The following OTUD7A variants were observed in gnomAD, a reference collection of about 807,000 sequenced individuals.
OTUD7A encodes OTU domain-containing protein 7A.
Under a neutral mutation model 65.7 loss-of-function variants are expected in OTUD7A, and 12 were observed. That is an observed-to-expected ratio of 0.18 (90% CI 0.12 to 0.30). The LOEUF is 0.30. OTUD7A is among the 10% of genes least tolerant of loss of function. The pLI is 1.00. For missense variants in OTUD7A, 1,148 were observed against 1,304.8 expected (o/e 0.88, Z 1.85); for synonymous variants, 641 against 586.3 (o/e 1.09, Z -1.35).
rs927628003 is a variant in OTUD7A, at chr15:31,682,252, A to C, written c.-99-25175T>G. Among the ~76,000 whole-genome samples, 8 of 152,208 alleles carry C rather than the reference A, an allele frequency of 5.3e-5. No homozygotes were observed. In the South Asian group the frequency reaches 6.2e-4, roughly 12 times the overall value. ...GACAAAAGAGACCAAAATTGACCTA[A>C]ATAGAGAGATGTATTGTTTTTATGG... On this transcript the variant is annotated intron_variant, in intron 1 of 12. Coordinates refer to ENST00000307050, the MANE Select transcript of OTUD7A (RefSeq NM_001382637.1).
rs1178171527 is a variant in OTUD7A, at chr15:31,678,937, C to T, written c.-99-21860G>A. 3.3e-5 allele frequency among the ~76,000 whole-genome samples: 5 copies of T among 152,344 alleles called. No individual in the cohort carries two copies. In the South Asian group the frequency reaches 1.0e-3, roughly 32 times the overall value. On this transcript the variant is annotated intron_variant, in intron 1 of 12. Coordinates refer to ENST00000307050, the MANE Select transcript of OTUD7A (RefSeq NM_001382637.1). ...CTAGAAAAGTCGCAGACACTCAACA[C>T]AAGCCTGTGAAAGCAGCCAGGAGCG...
At chr15:31,654,005 G>C (rs1160496395) in intron 3 of OTUD7A, among the ~76,000 whole-genome samples, 1 of 99,228 alleles carries the variant, frequency 1.0e-5, no homozygotes, top group Non-Finnish European at 2.0e-5. Context: ...CTCAGGGTAA[G>C]GGAAGTAAAA....
At chr15:31,716,625 C>T (rs545827459) in intron 1 of OTUD7A, among the ~76,000 whole-genome samples, 127 of 142,454 alleles carry the variant, frequency 8.9e-4, no homozygotes, top group African/African-American at 3.1e-3. Flanking sequence ...CTCAAAGGCA[C>T]GCTGGAGGCA....
At chr15:31,845,515 G>T (rs1046209504) in intron 1 of OTUD7A, among the ~76,000 whole-genome samples, 1 of 152,204 alleles carries the variant, frequency 6.6e-6, no homozygotes, top group Non-Finnish European at 1.5e-5. Flanking sequence ...CCAACCACAC[G>T]ATGCACCCAG....
intron 8 of OTUD7A, 44 bp from the exon 9 acceptor site, chr15:31,503,862 G>A (rs1446963473): frequency 2.5e-6 from 4 of 1,610,880 alleles, no homozygotes; most frequent in Admixed American, 1.7e-5. Flanking sequence ...CTAAAACAGG[G>A]TGGAGGATGG....
At chr15:31,645,409 A>C (rs1349922946) in intron 3 of OTUD7A, among the ~76,000 whole-genome samples, 1 of 152,158 alleles carries the variant, frequency 6.6e-6, no homozygotes, top group East Asian at 1.9e-4. Flanking sequence ...AAACATTCGT[A>C]CATCACTTAT....
chr15:31,561,635 G>A (rs1329242038), intron 4 of OTUD7A, among the ~76,000 whole-genome samples: 2 of 152,084 alleles, frequency 1.3e-5, no homozygotes, highest in South Asian at 2.1e-4. Flanking sequence ...AATATTTGGA[G>A]TTTGAGGGAA....
chr15:31,776,940 T>C (rs1480914822), intron 1 of OTUD7A, among the ~76,000 whole-genome samples: 1 of 151,416 alleles, frequency 6.6e-6, no homozygotes, highest in East Asian at 1.9e-4. Flanking sequence ...AAACTTAAAG[T>C]ATAATAATAA....
chr15:31,727,333 G>C (rs1387497905), intron 1 of OTUD7A, among the ~76,000 whole-genome samples: 1 of 152,194 alleles, frequency 6.6e-6, no homozygotes, highest in Non-Finnish European at 1.5e-5. Context: ...AGGCTTTCCA[G>C]TTTCTCCCAC....
At position 31,561,784 on chromosome 15, in the gene OTUD7A, T is replaced by TCTCACACACACA. The variant is rs1555396642; in HGVS notation, c.332-2598_332-2597insTGTGTGTGTGAG. ...TCATCTCTCTCACACACACACAGAG[T>TCTCACACACACA]CACACACACACACACACATTCACAC... is the stretch of plus-strand genomic sequence containing the variant. On this transcript the variant is annotated intron_variant, in intron 4 of 12. Coordinates refer to ENST00000307050, the MANE Select transcript of OTUD7A (RefSeq NM_001382637.1). 3.3e-4 allele frequency among the ~76,000 whole-genome samples: 50 copies of TCTCACACACACA among 150,526 alleles called. 1 individual carries two copies. The highest frequency in any genetic ancestry group is 2.3e-3 in the Admixed American group (35 of 15,138).
At chr15:31,589,726 T>C (rs1242106402) in intron 3 of OTUD7A, among the ~76,000 whole-genome samples, 2 of 152,152 alleles carry the variant, frequency 1.3e-5, no homozygotes, top group Non-Finnish European at 2.9e-5. Flanking sequence ...TTTGGTTATT[T>C]TTAATGAATA....
intron 1 of OTUD7A, among the ~76,000 whole-genome samples, chr15:31,813,402 G>A (rs567171901): frequency 6.6e-6 from 1 of 152,292 alleles, no homozygotes; most frequent in South Asian, 2.1e-4. Context: ...TTTACTGCAT[G>A]ACACACCATA....
At chr15:31,736,701 A>G (rs748461578) in intron 1 of OTUD7A, among the ~76,000 whole-genome samples, 1 of 152,222 alleles carries the variant, frequency 6.6e-6, no homozygotes, top group Non-Finnish European at 1.5e-5. Flanking sequence ...CTCAACACAA[A>G]TAAGTTTTGG....
At position 31,799,210 on chromosome 15, in the gene OTUD7A, C is replaced by A. The variant is rs551292110; in HGVS notation, c.-100+71297G>T. Among the ~76,000 whole-genome samples, 3 of 152,238 alleles carry A rather than the reference C, an allele frequency of 2.0e-5. No homozygotes were observed. The East Asian group carries it at 5.8e-4, about 29-fold the overall frequency. ...ACCTGGACATGAACAGTGGGCTGTG[C>A]GGGCCTGCAGGCCATGGAGATGGCT... On this transcript the variant is annotated intron_variant, in intron 1 of 12. Transcript: ENST00000307050.
At chr15:31,568,059 C>T (rs1888931905) in intron 4 of OTUD7A, among the ~76,000 whole-genome samples, 1 of 152,232 alleles carries the variant, frequency 6.6e-6, no homozygotes, top group Admixed American at 6.5e-5. Context: ...GTTGGAGGCC[C>T]CACACAGAGT....
At chr15:31,611,509 T>C (rs549928548) in intron 3 of OTUD7A, among the ~76,000 whole-genome samples, 149 of 152,178 alleles carry the variant, frequency 9.8e-4, no homozygotes, top group African/African-American at 3.5e-3. Context: ...ATACAAATGA[T>C]CATTCAAGGC....
rs148758744 is a variant in OTUD7A at position 31,774,947 on chromosome 15, C to T, written c.-100+95560G>A. On this transcript the variant is annotated intron_variant, in intron 1 of 12. Coordinates refer to ENST00000307050, the MANE Select transcript of OTUD7A (RefSeq NM_001382637.1). Reference sequence around the variant, plus strand: ...AGGCAAGGACGACCCAATGCCTTCTCGGTGGAACAGTTTTGATTGAAAAGA... The same window carrying T: ...AGGCAAGGACGACCCAATGCCTTCTTGGTGGAACAGTTTTGATTGAAAAGA... 4.7e-3 allele frequency among the ~76,000 whole-genome samples: 673 copies of T among 142,122 alleles called. 8 individuals carry two copies. Among genetic ancestry groups the T allele is most frequent in the African/African-American group, 0.017 (634 of 37,964 alleles). 93.2% of individuals were successfully genotyped at this position (142,122 alleles called of 152,430 possible).
At chr15:31,540,650 G>A (rs186691184) in intron 5 of OTUD7A, among the ~76,000 whole-genome samples, 222 of 152,258 alleles carry the variant, frequency 1.5e-3, no homozygotes, top group South Asian at 7.5e-3. Context: ...AAGATAGGGC[G>A]TGGCATATAG....
chr15:31,738,012 G>A (rs1894239875), intron 1 of OTUD7A, among the ~76,000 whole-genome samples: 1 of 152,212 alleles, frequency 6.6e-6, no homozygotes, highest in Non-Finnish European at 1.5e-5. Context: ...AAATTGGGTG[G>A]TATTATTAAC....
Sources: gnomAD v4.1 joint callset for allele counts (sites outside exome capture counted in the v4.1 genomes callset) on GRCh38, gnomAD v4.1.1 for gene constraint, MANE v1.5 for transcripts, NCBI Gene and HGNC (gene_info 2026-07-23, HGNC 2026-07-21) for gene names.